Variants in ARHGEF10L observed in about 807,000 individuals in gnomAD.
ARHGEF10L encodes Rho guanine nucleotide exchange factor 10 like.
ARHGEF10L carries 69 observed loss-of-function variants against 141.2 expected under a neutral mutation model. The observed-to-expected ratio is 0.49, with a 90% confidence interval of 0.40 to 0.60. ARHGEF10L has a LOEUF of 0.60. Among genes scored for constraint, ARHGEF10L ranks in the 20% least tolerant of loss-of-function variants. ARHGEF10L has a pLI of 0.00. For synonymous variants in ARHGEF10L, 711 were observed against 718.5 expected (o/e 0.99, Z 0.17); for missense variants, 1,482 against 1,734.3 (o/e 0.85, Z 2.58).
intron 26 of ARHGEF10L, among the ~76,000 whole-genome samples, chr1:17,675,943 GGTACAGGTGTGT>G (rs1236230736): frequency 5.6e-5 from 8 of 143,720 alleles, no homozygotes; most frequent in Admixed American, 2.8e-4. Flanking sequence ...TGCAGTCATG[GGTACAGGTGTGT>G]GTACAGGTGT....
At position 17,593,678 on chromosome 1, in the gene ARHGEF10L, C is replaced by T. The variant is rs144775360; in HGVS notation, c.257+5199C>T. On this transcript the variant is annotated intron_variant, in intron 4 of 28. Coordinates refer to ENST00000361221, the MANE Select transcript of ARHGEF10L (RefSeq NM_018125.4). ...GCTTTTAGTGAGAGCACAGCCCTGC[C>T]GAAACCTCGCTTTTAGCCCTGCGAA... Among the ~76,000 whole-genome samples the T allele has an allele frequency of 2.5e-4, 38 of 152,152 alleles. 2 individuals are homozygous for T. The East Asian group carries it at 6.8e-3, about 27-fold the overall frequency.
chr1:17,610,951 G>GTT (rs77658418), intron 7 of ARHGEF10L, among the ~76,000 whole-genome samples: 9 of 147,900 alleles, frequency 6.1e-5, no homozygotes, highest in African/African-American at 1.7e-4. Context: ...AGGATCTGTG[G>GTT]TTTTTTTTTT....
At position 17,621,720 on chromosome 1, in the gene ARHGEF10L, G is replaced by T; in HGVS notation, c.943-144G>T. ...GGGTTGGCAGGGGCTCTGGAAGGAA[G>T]AGTGGCCACCAGGCCCAGTGGTCCC... On this transcript the variant is annotated intron_variant, in intron 10 of 28. Transcript: ENST00000361221. The surrounding 1 kb of genome is among the most constrained non-coding windows in gnomAD (Gnocchi z 4.1). 1 of 711,800 alleles carries T rather than the reference G, an allele frequency of 1.4e-6. No homozygotes were observed. The highest frequency in any genetic ancestry group is 2.5e-5 in the East Asian group (1 of 39,886). The allele number at this position is 711,800 out of a possible 1,614,324, so 44.1% of individuals were successfully genotyped here. A position where few individuals can be genotyped will look rare whatever the true frequency, so the allele number is the denominator to read the frequency against.
intron 8 of ARHGEF10L, 149 bp downstream of exon 8, chr1:17,613,323 C>T (rs2059643298): frequency 1.5e-6 from 1 of 646,304 alleles, no homozygotes. Context: ...ACCCTGGCCA[C>T]CCTTGCATCT....
At chr1:17,593,121 C>T (rs1224612225) in intron 4 of ARHGEF10L, among the ~76,000 whole-genome samples, 1 of 152,196 alleles carries the variant, frequency 6.6e-6, no homozygotes, top group Admixed American at 6.5e-5. Context: ...CTGGTTGGCA[C>T]ATCTCTTCAT....
rs552406682 is a variant in ARHGEF10L, at chr1:17,636,470, T to C, written c.1928-1418T>C. ...AATTAACAGCATTAATGTAATGTGATGGATGATGTTGTTTTGCTGAAACCA... is the reference window on the plus strand; with the variant it reads ...AATTAACAGCATTAATGTAATGTGACGGATGATGTTGTTTTGCTGAAACCA... On this transcript the variant is annotated intron_variant, in intron 18 of 28. Transcript: ENST00000361221. 5.9e-5 allele frequency among the ~76,000 whole-genome samples: 9 copies of C among 152,328 alleles called. No homozygotes were observed. The South Asian group carries it at 1.9e-3, about 32-fold the overall frequency.
rs542964628 is a variant in ARHGEF10L at position 17,639,834 on chromosome 1, GCA to G, written c.2172-366_2172-365del. ...GTGAGACCCATTCCTCCCTCTAGAG[GCA>G]CGTGGTCAGACATGTAAGGTGTCTA... On this transcript the variant is annotated intron_variant, in intron 20 of 28. Coordinates refer to ENST00000361221, the MANE Select transcript of ARHGEF10L (RefSeq NM_018125.4). This position sits in a 1 kb window ranked among gnomAD's most constrained non-coding sequence, Gnocchi z 4.3. The G allele has an allele frequency of 3.1e-4, 417 of 1,341,316 alleles. No homozygotes were observed. The highest frequency in any genetic ancestry group is 3.9e-4 in the Non-Finnish European group (398 of 1,023,176). The allele number at this position is 1,341,316 out of a possible 1,614,324, so 83.1% of individuals were successfully genotyped here.
chr1:17,515,606 T>C, the ARHGEF10L span, among the ~76,000 whole-genome samples: 919 of 152,148 alleles, frequency 6.0e-3, 11 homozygotes, highest in African/African-American at 0.02. Context: ...TGCCAGATAC[T>C]ATTTATTTTT....
rs758326407 is a variant in ARHGEF10L at position 17,640,245 on chromosome 1, A to C, written c.2215A>C (p.Asn739His). The change falls in exon 21 of 29, where the codon AAC becomes CAC. Residue 739 changes from asparagine (N) to histidine (H), a missense_variant. By Grantham distance (68) the Asn-to-His change is moderately conservative. This residue lies in a region of ARHGEF10L where 858 missense variants were observed against 966.3 expected (regional missense o/e 0.89). Coordinates refer to ENST00000361221, the MANE Select transcript of ARHGEF10L (RefSeq NM_018125.4). The part of the protein sequence containing the change: ...ISFMVVFITP[N>H]PLSKISWVNR... ...CTTCATGGTGGTTTTCATCACCCCCAACCCCCTGAGCAAGATTTCCTGGGT... is the reference window on the plus strand; with the variant it reads ...CTTCATGGTGGTTTTCATCACCCCCCACCCCCTGAGCAAGATTTCCTGGGT... 6.2e-7 allele frequency: 1 copy of C among 1,613,336 alleles called. No homozygotes were observed. The highest frequency in any genetic ancestry group is 1.1e-5 in the South Asian group (1 of 90,742).
chr1:17,681,269 C>T (rs528454758), intron 26 of ARHGEF10L, among the ~76,000 whole-genome samples: 123 of 152,300 alleles, frequency 8.1e-4, no homozygotes, highest in African/African-American at 2.6e-3. Context: ...CTAAATACTT[C>T]GGCATGTCTC....
At chr1:17,606,039 T>C (rs1006276479) in intron 6 of ARHGEF10L, among the ~76,000 whole-genome samples, 1 of 152,156 alleles carries the variant, frequency 6.6e-6, no homozygotes, top group African/African-American at 2.4e-5. Context: ...CCACCTTTCC[T>C]GTGGGGTGAA....
In ARHGEF10L at chr1:17,678,417, GTT is replaced by G. The variant is rs397863291; in HGVS notation, c.3010-9138_3010-9137del. On this transcript the variant is annotated intron_variant, in intron 26 of 28. Coordinates refer to ENST00000361221, the MANE Select transcript of ARHGEF10L (RefSeq NM_018125.4). ...GCCAGGTGCACTGATAGATTTCAGG[GTT>G]TTTTTTTTTTTTTTTTTGAGATGGA... 2.6e-3 allele frequency among the ~76,000 whole-genome samples: 350 copies of G among 132,958 alleles called. 1 individual carries two copies. The highest frequency in any genetic ancestry group is 9.4e-3 in the African/African-American group (325 of 34,492). The allele number at this position is 132,958 out of a possible 152,430, so 87.2% of individuals were successfully genotyped here.
At chr1:17,565,895 G>A (rs997157596) in intron 1 of ARHGEF10L, among the ~76,000 whole-genome samples, 2 of 152,012 alleles carry the variant, frequency 1.3e-5, no homozygotes, top group South Asian at 4.2e-4. Context: ...CCTGTATTGC[G>A]GATGCTGGGC....
At chr1:17,594,957 T>G (rs967323800) in intron 4 of ARHGEF10L, among the ~76,000 whole-genome samples, 8 of 152,192 alleles carry the variant, frequency 5.3e-5, no homozygotes, top group Admixed American at 5.2e-4. Context: ...AAGGGACCCC[T>G]CCCTGGCCTG....
At chr1:17,622,888 C>A in intron 11 of ARHGEF10L, 108 bp from the exon 12 acceptor site, 1 of 1,214,304 alleles carries the variant, frequency 8.2e-7, no homozygotes. Flanking sequence ...AGTGCCTCCC[C>A]TCCGTGCCAC....
At chr1:17,556,252 TGGGCCTGGGAGCATGGCGGCGGGGGGG>T (rs1390253917) in intron 1 of ARHGEF10L, among the ~76,000 whole-genome samples, 9 of 44,670 alleles carry the variant, frequency 2.0e-4, no homozygotes, top group African/African-American at 7.8e-4. Context: ...AGCATAGAGG[TGGGCCTGGGAGCATGGCGGCGGGGGGG>T]GGGCCTGGGA....
intron 1 of ARHGEF10L, among the ~76,000 whole-genome samples, chr1:17,572,281 C>T (rs1050896584): frequency 1.2e-4 from 18 of 152,170 alleles, no homozygotes; most frequent in African/African-American, 4.1e-4. Flanking sequence ...TCCTCAGCCC[C>T]CTGCTCCATG....
chr1:17,575,760 T>G (rs2078195640), intron 1 of ARHGEF10L, among the ~76,000 whole-genome samples: 1 of 152,156 alleles, frequency 6.6e-6, no homozygotes, highest in African/African-American at 2.4e-5. Flanking sequence ...GTGTGTCTAA[T>G]GAGAGTTGAA....
In ARHGEF10L at chr1:17,654,624, C is replaced by T; in HGVS notation, c.2395-12C>T. 1 of 1,613,712 alleles carries T rather than the reference C, an allele frequency of 6.2e-7. No homozygotes were observed. Among genetic ancestry groups the T allele is most frequent in the Non-Finnish European group, 8.5e-7 (1 of 1,179,594 alleles). ...ATGATTAACCTCACATGTACCGTCTCTGTCTCTGCAGCTTGGGGCCCTGGT... is the reference window on the plus strand; with the variant it reads ...ATGATTAACCTCACATGTACCGTCTTTGTCTCTGCAGCTTGGGGCCCTGGT... On this transcript the variant is annotated splice_polypyrimidine_tract_variant and intron_variant, in intron 22 of 28. Coordinates refer to ENST00000361221, the MANE Select transcript of ARHGEF10L (RefSeq NM_018125.4). The surrounding 1 kb of genome is among the most constrained non-coding windows in gnomAD (Gnocchi z 4.3).
Sources: gnomAD v4.1 joint callset for allele counts (sites outside exome capture counted in the v4.1 genomes callset) on GRCh38, gnomAD v4.1.1 for gene constraint, gnomAD v4.1.1 regional missense constraint, Gnocchi (gnomAD v3.1) non-coding constraint, MANE v1.5 for transcripts, NCBI Gene and HGNC (gene_info 2026-07-23, HGNC 2026-07-21) for gene names.